PHF21B: variants seen among roughly 807,000 people sequenced by gnomAD.
PHF21B encodes the protein PHD finger protein 21B.
A neutral mutation model predicts 62.2 loss-of-function variants in PHF21B; 22 were observed. That is an observed-to-expected ratio of 0.35 (90% confidence interval 0.25 to 0.51). The LOEUF (loss-of-function observed/expected upper bound fraction) is 0.51, where lower values mean the gene tolerates loss of function less well. Ranked by LOEUF, PHF21B falls within the 20% of genes least tolerant of loss-of-function variation. The pLI is 0.97. For missense variants in PHF21B, 701 were observed against 707.9 expected, an observed-to-expected ratio of 0.99 and a Z score of 0.11; for synonymous variants, 341 against 314.7, an observed-to-expected ratio of 1.08 and a Z score of -0.88.
chr22:44,895,879 C>T (rs1601574414), intron 6 of PHF21B, among the ~76,000 whole-genome samples, 153 bp downstream of exon 6: 1 of 152,216 alleles, frequency 6.6e-6, no homozygotes, highest in Non-Finnish European at 1.5e-5. Context: ...CGAGCCGGGA[C>T]ATCCTGAGAC....
In PHF21B at chr22:44,969,856, G is replaced by A. The variant is rs536004435; in HGVS notation, c.120+38689C>T. On this transcript the variant is annotated intron_variant, in intron 2 of 12. Coordinates refer to ENST00000313237, the MANE Select transcript of PHF21B (RefSeq NM_138415.5). ...GTCCCATTTTACAGATGAGGAAATG[G>A]AGGAACAGAGAGGTTAAGTAACTGG... is the stretch of plus-strand genomic sequence containing the variant. 1.7e-4 allele frequency among the ~76,000 whole-genome samples: 26 copies of A among 152,312 alleles called. No individual in the cohort carries two copies. The South Asian group carries it at 2.5e-3, about 15-fold the overall frequency.
At chr22:44,909,608 C>G in intron 5 of PHF21B, among the ~76,000 whole-genome samples, 1 of 152,384 alleles carries the variant, frequency 6.6e-6, no homozygotes, top group Non-Finnish European at 1.5e-5. Context: ...TAAAGCTCCA[C>G]TTTGTCAGCC....
chr22:44,985,542 G>A (rs2072929615), intron 2 of PHF21B, among the ~76,000 whole-genome samples: 1 of 151,084 alleles, frequency 6.6e-6, no homozygotes, highest in African/African-American at 2.4e-5. Context: ...AAGTTGCATT[G>A]AGCCATGATT....
At chr22:44,907,047 C>T (rs762013431) in intron 5 of PHF21B, among the ~76,000 whole-genome samples, 9 of 152,170 alleles carry the variant, frequency 5.9e-5, no homozygotes, top group Non-Finnish European at 1.3e-4. Context: ...ACATGTCACG[C>T]GTTTTAGAGC....
intron 2 of PHF21B, among the ~76,000 whole-genome samples, chr22:44,952,204 G>T (rs561701003): frequency 6.6e-6 from 1 of 152,252 alleles, no homozygotes; most frequent in Non-Finnish European, 1.5e-5. Flanking sequence ...CTAGCTAGGC[G>T]TGGTGGCAGA....
chr22:44,997,084 G>A (rs757960703), intron 2 of PHF21B, among the ~76,000 whole-genome samples: 2 of 152,100 alleles, frequency 1.3e-5, no homozygotes, highest in Non-Finnish European at 2.9e-5. Flanking sequence ...CACTGCTCAC[G>A]AGCCTGTTAA....
intron 2 of PHF21B, among the ~76,000 whole-genome samples, chr22:44,963,276 C>T (rs1035595240): frequency 2.0e-5 from 3 of 152,140 alleles, no homozygotes; most frequent in Admixed American, 6.5e-5. Flanking sequence ...GAGGGCGACC[C>T]GCCACGCTCA....
intron 2 of PHF21B, among the ~76,000 whole-genome samples, chr22:44,984,563 C>G (rs890482460): frequency 6.6e-6 from 1 of 152,176 alleles, no homozygotes; most frequent in African/African-American, 2.4e-5. Flanking sequence ...CTGAGGGCCC[C>G]TGTGCAAAGC....
At chr22:44,945,493 C>T (rs569598010) in intron 2 of PHF21B, among the ~76,000 whole-genome samples, 150 of 152,278 alleles carry the variant, frequency 9.9e-4, no homozygotes, top group African/African-American at 3.4e-3. Flanking sequence ...CTTGAGTGCA[C>T]GGGGCCTGTT....
intron 2 of PHF21B, among the ~76,000 whole-genome samples, chr22:44,992,500 C>T (rs1445005507): frequency 6.6e-6 from 1 of 152,264 alleles, no homozygotes; most frequent in East Asian, 1.9e-4. Flanking sequence ...CTGTCAAGCA[C>T]GTCACCCACA....
Position 45,009,667 on chromosome 22 carries a change from G to A in PHF21B, c.-118C>T. The A allele has an allele frequency of 3.1e-6, 3 of 966,090 alleles. No individual in the cohort carries two copies. The highest frequency in any genetic ancestry group is 2.9e-6 in the Non-Finnish European group (2 of 698,184). 59.8% of individuals were successfully genotyped at this position (966,090 alleles called of 1,614,324 possible). On this transcript the variant is annotated 5_prime_UTR_variant, in exon 1 of 13. Transcript: ENST00000313237. The surrounding 1 kb of genome is among the most constrained non-coding windows in gnomAD (Gnocchi z 5.9). ...CGCGGCCTCCGGGCTGGGTTGGGGG[G>A]GACACGAGCCCCCTCCCCCACGGCC...
At chr22:44,915,543 G>A (rs935660536) in intron 4 of PHF21B, among the ~76,000 whole-genome samples, 4 of 152,372 alleles carry the variant, frequency 2.6e-5, no homozygotes, top group Admixed American at 2.6e-4. Flanking sequence ...GGGGCCCTCA[G>A]TGGGCGGGAG....
In PHF21B at chr22:44,961,081, C is replaced by T. The variant is rs4823426; in HGVS notation, c.121-40591G>A. Reference sequence around the variant, plus strand: ...AAGCGATTCTCATGCCTCAGCCTCCCGAGTAGCTGGGATTACAGGTACGCG... The same window carrying T: ...AAGCGATTCTCATGCCTCAGCCTCCTGAGTAGCTGGGATTACAGGTACGCG... On this transcript the variant is annotated intron_variant, in intron 2 of 12. Transcript: ENST00000313237. Among the ~76,000 whole-genome samples the T allele has an allele frequency of 6.2e-3, 938 of 151,174 alleles. 16 individuals are homozygous for T. The highest frequency in any genetic ancestry group is 0.023 in the East Asian group (116 of 5,034).
At chr22:44,910,169 G>C (rs1286015877) in intron 5 of PHF21B, among the ~76,000 whole-genome samples, 1 of 152,160 alleles carries the variant, frequency 6.6e-6, no homozygotes, top group African/African-American at 2.4e-5. Flanking sequence ...GGAGCTGCAG[G>C]GGCCCAGGGG....
At chr22:44,993,147 A>G (rs1229137977) in intron 2 of PHF21B, among the ~76,000 whole-genome samples, 3 of 152,184 alleles carry the variant, frequency 2.0e-5, no homozygotes, top group African/African-American at 4.8e-5. Context: ...GGGTGGGGCC[A>G]GCATCTCACT....
At chr22:44,965,614 G>C (rs1454698695) in intron 2 of PHF21B, among the ~76,000 whole-genome samples, 1 of 152,132 alleles carries the variant, frequency 6.6e-6, no homozygotes, top group South Asian at 2.1e-4. Flanking sequence ...GAGCTGAGAC[G>C]ATTCCCCCGG....
At chr22:44,893,100 G>A (rs2070994747) in intron 7 of PHF21B, among the ~76,000 whole-genome samples, 1 of 152,118 alleles carries the variant, frequency 6.6e-6, no homozygotes, top group Non-Finnish European at 1.5e-5. Context: ...TCTAGACAAG[G>A]TGTGAGGTGG....
intron 2 of PHF21B, among the ~76,000 whole-genome samples, chr22:44,990,475 C>A (rs2073025603): frequency 1.3e-5 from 2 of 152,154 alleles, no homozygotes; most frequent in African/African-American, 2.4e-5. Context: ...GAATAACGCA[C>A]AGCCTGAAAA....
intron 2 of PHF21B, among the ~76,000 whole-genome samples, chr22:44,960,450 A>G (rs1601647146): frequency 6.6e-6 from 1 of 151,994 alleles, no homozygotes; most frequent in Non-Finnish European, 1.5e-5. Context: ...TCGTCGCCCA[A>G]CCCTCCACTG....
Sources: allele counts gnomAD v4.1 joint callset (sites outside exome capture counted in the v4.1 genomes callset), GRCh38; gene constraint gnomAD v4.1.1; non-coding constraint Gnocchi (gnomAD v3.1); transcripts MANE v1.5; gene names NCBI Gene and HGNC (gene_info 2026-07-23, HGNC 2026-07-21).